C2CD5: variants seen among roughly 807,000 people sequenced by gnomAD.
C2CD5 encodes C2 domain-containing protein 5.
Under a neutral mutation model 130.3 loss-of-function variants are expected in C2CD5, and 109 were observed. That is an observed-to-expected ratio of 0.84 (90% CI 0.72 to 0.98). The LOEUF (loss-of-function observed/expected upper bound fraction) is 0.98. C2CD5 is among the 50% of genes least tolerant of loss of function. C2CD5 has a pLI of 0.00. For missense variants in C2CD5, 996 were observed against 1,261.8 expected (o/e 0.79, Z 3.19); for synonymous variants, 454 against 429.2 (o/e 1.06, Z -0.71).
chr12:22,453,064 G>A (rs1939037850), intron 26 of C2CD5, among the ~76,000 whole-genome samples: 1 of 152,102 alleles, frequency 6.6e-6, no homozygotes, highest in African/African-American at 2.4e-5. Context: ...AGATGTACAG[G>A]TAGGGGCAAA....
At position 22,544,309 on chromosome 12, in the gene C2CD5, T is replaced by G. The variant is rs1161573869; in HGVS notation, c.-30+11A>C. On this transcript the variant is annotated intron_variant, in intron 1 of 26. Coordinates refer to ENST00000446597, the MANE Select transcript of C2CD5 (RefSeq NM_001286176.2). Reference sequence around the variant, plus strand: ...GGGCGCCCGGCAGTCGCGCCACGGGTCGCCACTCACTGTCGCAGGAGGAAG... The same window carrying G: ...GGGCGCCCGGCAGTCGCGCCACGGGGCGCCACTCACTGTCGCAGGAGGAAG... The G allele has an allele frequency of 5.4e-6, 3 of 552,292 alleles. No homozygotes were observed. Among genetic ancestry groups the G allele is most frequent in the Non-Finnish European group, 9.3e-6 (3 of 323,756 alleles). The allele number at this position is 552,292 out of a possible 1,614,324, so 34.2% of individuals were successfully genotyped here.
At chr12:22,492,786 T>G (rs1419125031) in intron 11 of C2CD5, among the ~76,000 whole-genome samples, 1 of 152,110 alleles carries the variant, frequency 6.6e-6, no homozygotes. Flanking sequence ...TACATTACAG[T>G]AGGTAAAAGG....
At chr12:22,481,823 T>G (rs1005230672) in intron 14 of C2CD5, among the ~76,000 whole-genome samples, 18 of 138,844 alleles carry the variant, frequency 1.3e-4, no homozygotes, top group African/African-American at 3.0e-4. Flanking sequence ...TTTTTTTTTA[T>G]AGAGACAGTG....
Position 22,459,624 on chromosome 12 carries a change from A to G in C2CD5, c.2534-82T>C, listed in dbSNP as rs1940694076. ...TTCTTTGTTATTTGTTAATACCTCT[A>G]TAAGCCAGAAGAATAGGAGGAAATC... On this transcript the variant is annotated intron_variant, in intron 22 of 26. Transcript: ENST00000446597. The G allele has an allele frequency of 6.3e-6, 5 of 794,026 alleles. No individual in the cohort carries two copies. The East Asian group carries it at 8.3e-5, about 13-fold the overall frequency. 49.2% of individuals were successfully genotyped at this position (794,026 alleles called of 1,614,324 possible). A position where few individuals can be genotyped will look rare whatever the true frequency, so the allele number is the denominator to read the frequency against.
intron 7 of C2CD5, 85 bp downstream of exon 7, chr12:22,523,341 C>T: frequency 1.9e-6 from 2 of 1,028,960 alleles, no homozygotes; most frequent in Admixed American, 2.3e-5. Context: ...TTGAACAACC[C>T]TACTAAAATG....
chr12:22,490,448 A>T (rs940816460), intron 11 of C2CD5, among the ~76,000 whole-genome samples: 1 of 152,214 alleles, frequency 6.6e-6, no homozygotes, highest in East Asian at 1.9e-4. Flanking sequence ...GAAAAAAGAT[A>T]AAAGTATTAA....
chr12:22,483,009 T>C (rs927232871), intron 13 of C2CD5, among the ~76,000 whole-genome samples: 2 of 152,102 alleles, frequency 1.3e-5, no homozygotes, highest in South Asian at 2.1e-4. Context: ...TCAATAATAA[T>C]TGTACAAGTT....
chr12:22,510,919 C>G (rs1949111901), intron 9 of C2CD5, among the ~76,000 whole-genome samples: 2 of 151,996 alleles, frequency 1.3e-5, no homozygotes, highest in Non-Finnish European at 2.9e-5. Context: ...TCACTTGAGC[C>G]CAGGAGTTCG....
chr12:22,470,684 T>C, intron 21 of C2CD5, 140 bp downstream of exon 21: 1 of 603,758 alleles, frequency 1.7e-6, no homozygotes. Context: ...CACAGTTATC[T>C]TCATAAAGAT....
At chr12:22,469,190 G>C (rs1032931508) in intron 22 of C2CD5, among the ~76,000 whole-genome samples, 1 of 152,116 alleles carries the variant, frequency 6.6e-6, no homozygotes, top group South Asian at 2.1e-4. Flanking sequence ...AAACATGGCA[G>C]TGTCTTATAT....
chr12:22,541,754 T>C (rs887244319), intron 2 of C2CD5, among the ~76,000 whole-genome samples: 4 of 152,226 alleles, frequency 2.6e-5, no homozygotes, highest in Non-Finnish European at 2.9e-5. Context: ...GTTCTCTTTC[T>C]ATTGTTCCCT....
At chr12:22,485,333 G>T (rs1243515260) in intron 12 of C2CD5, among the ~76,000 whole-genome samples, 3 of 151,984 alleles carry the variant, frequency 2.0e-5, no homozygotes, top group African/African-American at 7.2e-5. Flanking sequence ...CTGGAGGGAA[G>T]GTGGGGATGG....
chr12:22,474,856 T>C lies in C2CD5; in HGVS notation c.1938A>G (p.Pro646=), dbSNP rs772390749. Residue 646 remains proline, a synonymous_variant, in exon 16 of 27, where the codon CCA becomes CCG. Transcript: ENST00000446597. Reference sequence around the variant, plus strand: ...GAAGTCTTGAGCGTTGCCTAGGTTCTGGGATGGGTGATCCTATAATCTCTT... The same window carrying C: ...GAAGTCTTGAGCGTTGCCTAGGTTCCGGGATGGGTGATCCTATAATCTCTT... ...ISEEIIGSPI[P]EPRQRSRLLR... 1.2e-6 allele frequency: 2 copies of C among 1,605,048 alleles called. No homozygotes were observed. Among genetic ancestry groups the C allele is most frequent in the South Asian group, 2.2e-5 (2 of 90,000 alleles).
chr12:22,535,231 C>A (rs375987452), intron 3 of C2CD5, 27 bp downstream of exon 3: 9 of 1,320,750 alleles, frequency 6.8e-6, no homozygotes, highest in African/African-American at 5.8e-5. Flanking sequence ...AAAATACACT[C>A]AAAAATGCTG....
intron 10 of C2CD5, chr12:22,502,595 A>G (rs1947937129): frequency 2.3e-6 from 1 of 434,866 alleles, no homozygotes. Flanking sequence ...TGAAATTACA[A>G]GAGTTATTAC....
chr12:22,459,512 C>A lies in C2CD5; in HGVS notation c.2564G>T (p.Gly855Val). ...EHLESASSNS[G>V]IPAAQRATSV... ...CTCACCTCTCTGTGCAGCTGGTATA[C>A]CTGAGTTAGAACTTGCACTCTCCAG... The change falls in exon 23 of 27, where the codon GGT becomes GTT. Residue 855 changes from glycine (G) to valine (V), a missense_variant. Transcript: ENST00000446597. 6.5e-7 allele frequency: 1 copy of A among 1,532,668 alleles called. No individual in the cohort carries two copies. Among genetic ancestry groups the A allele is most frequent in the African/African-American group, 1.4e-5 (1 of 73,042 alleles). 94.9% of individuals were successfully genotyped at this position (1,532,668 alleles called of 1,614,324 possible).
Position 22,484,765 on chromosome 12 carries a change from A to T in C2CD5, c.1482T>A (p.Val494=), listed in dbSNP as rs1312417315. The part of the protein sequence containing the change: ...YNCRKQKVPD[V]LFTTIDLPTD... ...TTGGGAGGTCTATAGTTGTAAACAG[A>T]ACATCAGGAACTTTTTGTTTCCTGC... Residue 494 remains valine (V), a synonymous_variant, in exon 13 of 27, where the codon GTT becomes GTA. Coordinates refer to ENST00000446597, the MANE Select transcript of C2CD5 (RefSeq NM_001286176.2). The T allele has an allele frequency of 6.2e-7, 1 of 1,610,654 alleles. No homozygotes were observed.
intron 14 of C2CD5, among the ~76,000 whole-genome samples, chr12:22,479,158 C>T (rs1944329492): frequency 6.6e-6 from 1 of 151,880 alleles, no homozygotes; most frequent in Non-Finnish European, 1.5e-5. Flanking sequence ...ACTGCAACCT[C>T]CAACTCCTGG....
intron 3 of C2CD5, among the ~76,000 whole-genome samples, chr12:22,532,751 T>C (rs1048207179): frequency 6.6e-6 from 1 of 152,190 alleles, no homozygotes; most frequent in Admixed American, 6.5e-5. Context: ...AAATCAATAC[T>C]TTCCTTCCCT....
Sources: gnomAD v4.1 joint callset for allele counts (sites outside exome capture counted in the v4.1 genomes callset) on GRCh38, gnomAD v4.1.1 for gene constraint, MANE v1.5 for transcripts, NCBI Gene and HGNC (gene_info 2026-07-23, HGNC 2026-07-21) for gene names.